The following GBE1 variants were observed in gnomAD, a reference collection of about 807,000 sequenced individuals.
The protein encoded by GBE1 is 1,4-alpha-glucan branching enzyme 1, also known as 1,4-alpha-glucan-branching enzyme.
Under a neutral mutation model 88.8 loss-of-function variants are expected in GBE1, and 70 were observed. The ratio of observed to expected loss-of-function variants is 0.79; its 90% CI spans 0.65 to 0.96. The LOEUF is 0.96. GBE1 is among the 40% of genes least tolerant of loss of function. GBE1 has a pLI of 0.00. For synonymous variants in GBE1, 284 were observed against 300.1 expected (o/e 0.95, Z 0.56); for missense variants, 872 against 871.0 (o/e 1.00, Z -0.01).
chr3:81,712,327 A>T (rs1301388326), intron 1 of GBE1, among the ~76,000 whole-genome samples: 1 of 152,238 alleles, frequency 6.6e-6, no homozygotes, highest in African/African-American at 2.4e-5. Context: ...ATTATAAATC[A>T]TGCTGCTATA....
At chr3:81,511,072 T>C (rs1308507285) in intron 14 of GBE1, among the ~76,000 whole-genome samples, 1 of 152,002 alleles carries the variant, frequency 6.6e-6, no homozygotes, top group Non-Finnish European at 1.5e-5. Flanking sequence ...AAATAAACAA[T>C]GGGGAAAGGA....
In GBE1 at chr3:81,538,977, C is replaced by T. The variant is rs530655827; in HGVS notation, c.1619-1882G>A. ...TGTCACATCATTGTCATCACGATGA[C>T]AGTAGAAGCAGCAGCACATGCTTAA... On this transcript the variant is annotated intron_variant, in intron 12 of 15. Coordinates refer to ENST00000429644, the MANE Select transcript of GBE1 (RefSeq NM_000158.4). 1.8e-4 allele frequency among the ~76,000 whole-genome samples: 27 copies of T among 152,116 alleles called. 1 individual carries two copies. The highest frequency in any genetic ancestry group is 3.4e-3 in the Middle Eastern group (1 of 294).
At chr3:81,666,689 T>G (rs1462446340) in intron 3 of GBE1, among the ~76,000 whole-genome samples, 5 of 152,212 alleles carry the variant, frequency 3.3e-5, no homozygotes, top group Admixed American at 2.6e-4. Context: ...ATGCCATGCC[T>G]TGGCTTTCCA....
rs1414835381 is a variant in GBE1, at chr3:81,750,583, A to ATATATG, written c.143+10791_143+10792insCATATA. ...TATATGTATATATATATACGTATAT[A>ATATATG]TATACGTATATATATATGTGTATAT... On this transcript the variant is annotated intron_variant, in intron 1 of 15. Transcript: ENST00000429644. 6.4e-3 allele frequency among the ~76,000 whole-genome samples: 376 copies of ATATATG among 58,946 alleles called. 54 individuals carry two copies. Among genetic ancestry groups the ATATATG allele is most frequent in the East Asian group, 0.052 (36 of 698 alleles). The allele number at this position is 58,946 out of a possible 152,430, so 38.7% of individuals were successfully genotyped here.
intron 12 of GBE1, among the ~76,000 whole-genome samples, chr3:81,559,485 C>A (rs1703391322): frequency 6.6e-6 from 1 of 151,830 alleles, no homozygotes. Flanking sequence ...TGTACCCACC[C>A]CATGAAGTTT....
At chr3:81,694,879 C>G (rs1705569644) in intron 2 of GBE1, among the ~76,000 whole-genome samples, 1 of 152,022 alleles carries the variant, frequency 6.6e-6, no homozygotes, top group Admixed American at 6.5e-5. Flanking sequence ...TGAAGGACGT[C>G]AAAAAGACCT....
intron 1 of GBE1, among the ~76,000 whole-genome samples, chr3:81,740,407 T>C (rs1706330354): frequency 6.6e-6 from 1 of 151,932 alleles, no homozygotes; most frequent in African/African-American, 2.4e-5. Flanking sequence ...TATCTACCCA[T>C]ATGTAAAGCT....
At chr3:81,650,711 G>A (rs1379826635) in intron 3 of GBE1, among the ~76,000 whole-genome samples, 1 of 152,080 alleles carries the variant, frequency 6.6e-6, no homozygotes, top group African/African-American at 2.4e-5. Context: ...TGTCACCCAG[G>A]TGGAGCACAG....
intron 12 of GBE1, among the ~76,000 whole-genome samples, chr3:81,552,554 G>T (rs996035632): frequency 1.9e-4 from 26 of 140,054 alleles, no homozygotes; most frequent in African/African-American, 6.8e-4. Context: ...AAAGAAGGCT[G>T]TCAAAATAAA....
chr3:81,499,202 C>T lies in GBE1; in HGVS notation c.1960G>A (p.Ala654Thr), dbSNP rs527789602. 101 of 1,609,750 alleles carry T rather than the reference C, an allele frequency of 6.3e-5. 3 individuals are homozygous for T. The South Asian group carries it at 7.4e-4, about 12-fold the overall frequency. ...CTCTGATGCCCTCCATATTCCGCTGCATCTGAATCTAGCACAATTTTGAAT... is the reference window on the plus strand; with the variant it reads ...CTCTGATGCCCTCCATATTCCGCTGTATCTGAATCTAGCACAATTTTGAAT... The part of the protein sequence containing the change: ...GKFKIVLDSD[A>T]AEYGGHQRLD... The change falls in exon 15 of 16, where the codon GCA (alanine) becomes ACA (threonine). Residue 654 changes from alanine (A) to threonine (T), a missense_variant. By Grantham distance (58) the Ala-to-Thr change is moderately conservative. Coordinates refer to ENST00000429644, the MANE Select transcript of GBE1 (RefSeq NM_000158.4).
intron 14 of GBE1, among the ~76,000 whole-genome samples, chr3:81,513,552 T>A (rs1702753214): frequency 6.6e-6 from 1 of 151,498 alleles, no homozygotes; most frequent in East Asian, 1.9e-4. Context: ...TAAAGGTGTT[T>A]ATTGTTTTGT....
intron 3 of GBE1, among the ~76,000 whole-genome samples, chr3:81,653,169 A>G (rs1704875010): frequency 6.6e-6 from 1 of 152,168 alleles, no homozygotes; most frequent in South Asian, 2.1e-4. Flanking sequence ...AAAATTCAGA[A>G]AAATTAATTC....
chr3:81,670,245 A>G (rs1369927761), intron 3 of GBE1, among the ~76,000 whole-genome samples: 6 of 152,158 alleles, frequency 3.9e-5, no homozygotes, highest in Non-Finnish European at 8.8e-5. Context: ...GCAAAACCAC[A>G]TGGTCAACGA....
At chr3:81,709,135 T>A (rs919230177) in intron 1 of GBE1, among the ~76,000 whole-genome samples, 2 of 152,234 alleles carry the variant, frequency 1.3e-5, no homozygotes, top group African/African-American at 4.8e-5. Flanking sequence ...GTTTGTCCAA[T>A]CATGTAATTA....
intron 14 of GBE1, chr3:81,534,887 G>A (rs1349800006): frequency 8.4e-6 from 2 of 238,360 alleles, no homozygotes; most frequent in Non-Finnish European, 1.6e-5. Context: ...GTGGATGTGG[G>A]GACCTGGAGA....
chr3:81,602,653 A>G (rs943117934), intron 7 of GBE1, among the ~76,000 whole-genome samples: 13 of 152,100 alleles, frequency 8.5e-5, no homozygotes, highest in Non-Finnish European at 4.4e-5. Flanking sequence ...TCCTAATATG[A>G]TCACCTTAGA....
intron 2 of GBE1, among the ~76,000 whole-genome samples, chr3:81,683,261 TA>T (rs1553691297): frequency 1.3e-5 from 2 of 152,224 alleles, no homozygotes; most frequent in Non-Finnish European, 2.9e-5. Context: ...ATAAGGCTGT[TA>T]AAAAATAAAA....
intron 1 of GBE1, among the ~76,000 whole-genome samples, chr3:81,724,063 G>T (rs1706074623): frequency 6.6e-6 from 1 of 151,900 alleles, no homozygotes; most frequent in Non-Finnish European, 1.5e-5. Context: ...AACAATAATT[G>T]TACCCCATCA....
rs1559708780 is a variant in GBE1 at position 81,750,630 on chromosome 3, CGTATATATATATAT to C, written c.143+10731_143+10744del. 4.7e-4 allele frequency among the ~76,000 whole-genome samples: 11 copies of C among 23,344 alleles called. 1 individual carries two copies. The highest frequency in any genetic ancestry group is 2.1e-3 in the South Asian group (2 of 954). 15.3% of individuals were successfully genotyped at this position (23,344 alleles called of 152,430 possible). ...ATATATATATATGTATATATATATA[CGTATATATATATAT>C]GTATATATATATATGTATATATATA... On this transcript the variant is annotated intron_variant, in intron 1 of 15. Coordinates refer to ENST00000429644, the MANE Select transcript of GBE1 (RefSeq NM_000158.4).
Sources: allele counts gnomAD v4.1 joint callset (sites outside exome capture counted in the v4.1 genomes callset), GRCh38; gene constraint gnomAD v4.1.1; transcripts MANE v1.5; gene names NCBI Gene and HGNC (gene_info 2026-07-23, HGNC 2026-07-21).